Variants in KSR1 observed in about 807,000 individuals in gnomAD.
KSR1 encodes kinase suppressor of ras 1.
A neutral mutation model predicts 92.9 loss-of-function variants in KSR1; 35 were observed. That is an observed-to-expected ratio of 0.38 (90% CI 0.29 to 0.50). The LOEUF is 0.50. Among genes scored for constraint, KSR1 ranks in the 20% least tolerant of loss-of-function variants. The pLI, the probability that KSR1 is intolerant of heterozygous loss-of-function variation, is 0.94. For synonymous variants in KSR1, 467 were observed against 472.6 expected (o/e 0.99, Z 0.15); for missense variants, 972 against 1,158.5 (o/e 0.84, Z 2.34).
At chr17:27,597,458 C>G (rs781737710) in intron 10 of KSR1, 22 bp downstream of exon 10, 1 of 1,585,988 alleles carries the variant, frequency 6.3e-7, no homozygotes, top group Non-Finnish European at 8.6e-7. Context: ...CCAGGCTTTT[C>G]TGGGTTCTAA....
intron 2 of KSR1, among the ~76,000 whole-genome samples, chr17:27,569,127 T>G (rs2072204560): frequency 6.6e-6 from 1 of 152,226 alleles, no homozygotes; most frequent in Non-Finnish European, 1.5e-5. Context: ...TACTGTTTCT[T>G]TTTTTAAAAA....
chr17:27,539,215 A>G (rs1055679600), intron 1 of KSR1, among the ~76,000 whole-genome samples: 1 of 152,174 alleles, frequency 6.6e-6, no homozygotes, highest in African/African-American at 2.4e-5. Flanking sequence ...TGAGGGGTTG[A>G]GCTGAGGGGG....
intron 19 of KSR1, among the ~76,000 whole-genome samples, chr17:27,620,385 C>T (rs1396001720): frequency 1.3e-5 from 2 of 152,226 alleles, no homozygotes; most frequent in African/African-American, 2.4e-5. Context: ...TAAAGACAAA[C>T]AGACACACTG....
At chr17:27,546,049 G>A (rs1309006023) in intron 1 of KSR1, among the ~76,000 whole-genome samples, 1 of 152,194 alleles carries the variant, frequency 6.6e-6, no homozygotes, top group Non-Finnish European at 1.5e-5. Flanking sequence ...GGAAAAGAGT[G>A]GTTTTGAGTT....
rs184165087 is a variant in KSR1, at chr17:27,551,709, C to G, written c.372+1001C>G. On this transcript the variant is annotated intron_variant, in intron 2 of 20. Transcript: ENST00000644974. ...ATGTGCTATAACTTCTTCCCTTGCT[C>G]TTACCTGTGTGGGCAAGGCCCTGTG... 2.0e-5 allele frequency among the ~76,000 whole-genome samples: 3 copies of G among 152,302 alleles called. No homozygotes were observed. The East Asian group carries it at 5.8e-4, about 29-fold the overall frequency.
chr17:27,610,336 C>T, intron 17 of KSR1, 138 bp downstream of exon 17: 1 of 1,172,452 alleles, frequency 8.5e-7, no homozygotes, highest in Non-Finnish European at 1.2e-6. Context: ...TGAGTCCTGG[C>T]TCTGCCGCTT....
At chr17:27,497,914 G>C in intron 1 of KSR1, among the ~76,000 whole-genome samples, 1 of 152,196 alleles carries the variant, frequency 6.6e-6, no homozygotes, top group Non-Finnish European at 1.5e-5. Flanking sequence ...AGACCGTCAC[G>C]GTGGCAGTTT....
intron 1 of KSR1, among the ~76,000 whole-genome samples, chr17:27,543,386 C>T (rs1194418310): frequency 3.9e-5 from 6 of 152,148 alleles, no homozygotes; most frequent in Non-Finnish European, 7.3e-5. Context: ...CAGGTTGGGG[C>T]GCAGTGTAAA....
intron 1 of KSR1, among the ~76,000 whole-genome samples, chr17:27,467,075 G>A (rs976449640): frequency 2.6e-5 from 4 of 152,194 alleles, no homozygotes; most frequent in African/African-American, 4.8e-5. Context: ...AGGTCTTCTC[G>A]CTGTCCCCAT....
intron 1 of KSR1, among the ~76,000 whole-genome samples, chr17:27,486,601 C>T (rs1045951622): frequency 1.4e-4 from 22 of 152,174 alleles, no homozygotes; most frequent in Non-Finnish European, 2.9e-4. Context: ...GCAGCAGCCC[C>T]GGGGATGGGG....
intron 1 of KSR1, among the ~76,000 whole-genome samples, chr17:27,510,406 G>A (rs1005684106): frequency 3.3e-5 from 5 of 152,184 alleles, no homozygotes; most frequent in East Asian, 1.9e-4. Flanking sequence ...TATAAGGACC[G>A]AGTGAGTAGA....
chr17:27,471,160 G>C (rs766517902), intron 1 of KSR1, among the ~76,000 whole-genome samples: 2 of 152,126 alleles, frequency 1.3e-5, no homozygotes, highest in African/African-American at 4.8e-5. Flanking sequence ...CCACCGTGCC[G>C]GGCCCACTCC....
In KSR1 at chr17:27,579,115, A is replaced by G. The variant is rs150747518; in HGVS notation, c.520+1476A>G. The G allele has an allele frequency of 3.3e-5, 5 of 152,390 alleles. No homozygotes were observed. In the East Asian group the frequency reaches 9.6e-4, roughly 29 times the overall value. The allele number at this position is 152,390 out of a possible 1,614,324, so 9.4% of individuals were successfully genotyped here. A position where few individuals can be genotyped will look rare whatever the true frequency, so the allele number is the denominator to read the frequency against. On this transcript the variant is annotated intron_variant, in intron 3 of 20. Transcript: ENST00000644974. ...TGTGGTGCCTCTGCATCCCCAGCAG[A>G]GTCCTAGCCCCATCACAGTCCAGGA...
intron 1 of KSR1, among the ~76,000 whole-genome samples, chr17:27,476,614 A>C (rs1012529155): frequency 1.3e-5 from 2 of 152,214 alleles, no homozygotes; most frequent in Non-Finnish European, 2.9e-5. Context: ...TGCCCTGGGA[A>C]GCCCATGGTT....
rs944597326 is a variant in KSR1 at position 27,606,593 on chromosome 17, C to T, written c.1994+780C>T. ...CAGTGGTGTGCTGGTAAATGTGTAA[C>T]AACCAGTTTTGGGGCAGTATGGAGG... On this transcript the variant is annotated intron_variant, in intron 14 of 20. Coordinates refer to ENST00000644974, the MANE Select transcript of KSR1 (RefSeq NM_001394583.1). Among the ~76,000 whole-genome samples the T allele has an allele frequency of 2.0e-5, 3 of 152,110 alleles. No individual in the cohort carries two copies. The East Asian group carries it at 5.8e-4, about 29-fold the overall frequency.
intron 20 of KSR1, chr17:27,622,116 C>T (rs900848152): frequency 2.8e-5 from 18 of 637,180 alleles, no homozygotes; most frequent in Admixed American, 2.8e-4. Flanking sequence ...GGCCCTCTGC[C>T]CTCTCCACGT....
intron 1 of KSR1, among the ~76,000 whole-genome samples, chr17:27,496,885 C>T (rs1405182086): frequency 1.3e-5 from 2 of 152,244 alleles, no homozygotes; most frequent in Admixed American, 6.5e-5. Flanking sequence ...CCGTGTCCTC[C>T]TCTGAGATGA....
intron 1 of KSR1, among the ~76,000 whole-genome samples, chr17:27,549,158 A>C (rs1013279148): frequency 6.6e-6 from 1 of 152,248 alleles, no homozygotes; most frequent in African/African-American, 2.4e-5. Context: ...TTAACACCAC[A>C]ACCATGAGGG....
intron 1 of KSR1, among the ~76,000 whole-genome samples, chr17:27,504,421 G>C (rs1017085037): frequency 5.3e-5 from 8 of 152,310 alleles, no homozygotes; most frequent in Middle Eastern, 3.4e-3. Flanking sequence ...TGGGATATGG[G>C]GGGGAGAAGG....
Sources: allele counts gnomAD v4.1 joint callset (sites outside exome capture counted in the v4.1 genomes callset), GRCh38; gene constraint gnomAD v4.1.1; transcripts MANE v1.5; gene names NCBI Gene and HGNC (gene_info 2026-07-23, HGNC 2026-07-21).